The following PRDM15 variants were observed in gnomAD, a reference collection of about 807,000 sequenced individuals.
PRDM15 encodes PR/SET domain 15, also known as PR domain zinc finger protein 15.
A neutral mutation model predicts 128.6 loss-of-function variants in PRDM15; 64 were observed. The observed-to-expected ratio is 0.50, with a 90% confidence interval of 0.41 to 0.61. PRDM15 has a LOEUF of 0.61. Among genes scored for constraint, PRDM15 ranks in the 20% least tolerant of loss-of-function variants. The probability of loss-of-function intolerance (pLI) is 0.00; values close to 1 mark genes in which losing one functional copy is unlikely to be tolerated. For synonymous variants in PRDM15, 615 were observed against 621.8 expected (o/e 0.99, Z 0.16); for missense variants, 1,242 against 1,569.1 (o/e 0.79, Z 3.52).
rs2062562469 is a variant in PRDM15 at position 41,828,740 on chromosome 21, A to ACCAACCAC, written c.1367-415_1367-408dup. Among the ~76,000 whole-genome samples the ACCAACCAC allele has an allele frequency of 7.0e-6, 1 of 142,424 alleles. No homozygotes were observed. The highest frequency in any genetic ancestry group is 7.4e-5 in the Admixed American group (1 of 13,500). The allele number at this position is 142,424 out of a possible 152,430, so 93.4% of individuals were successfully genotyped here. A position where few individuals can be genotyped will look rare whatever the true frequency, so the allele number is the denominator to read the frequency against. Reference sequence around the variant, plus strand: ...GAATGACCTACCTACCAACCAACCAACCAACCACCCGAGCAACTGACCACC... The same window carrying ACCAACCAC: ...GAATGACCTACCTACCAACCAACCAACCAACCACCCAACCACCCGAGCAACTGACCACC... On this transcript the variant is annotated intron_variant, in intron 11 of 23. Transcript: ENST00000398548. The surrounding 1 kb of genome is among the most constrained non-coding windows in gnomAD (Gnocchi z 5.7).
chr21:41,810,811 C>CA lies in PRDM15; in HGVS notation c.2417dup (p.Leu806PhefsTer87). ...TCCTCTCGCTGAATGTCTTCCCACA[C>CA]AATTCACACATGAAATCTTTAATCC... On this transcript the variant is annotated frameshift_variant, in exon 20 of 24. Coordinates refer to ENST00000398548, the MANE Select transcript of PRDM15 (RefSeq NM_001040424.3). LOFTEE classifies it high-confidence loss of function. The surrounding 1 kb of genome is among the most constrained non-coding windows in gnomAD (Gnocchi z 6.4). 6.2e-7 allele frequency: 1 copy of CA among 1,614,156 alleles called. No homozygotes were observed. Among genetic ancestry groups the CA allele is most frequent in the East Asian group, 2.2e-5 (1 of 44,890 alleles).
At chr21:41,860,270 T>C (rs2063770366) in intron 2 of PRDM15, 57 bp downstream of exon 2, 2 of 1,397,962 alleles carry the variant, frequency 1.4e-6, no homozygotes, top group Middle Eastern at 1.8e-4. Flanking sequence ...CACGCCCATC[T>C]GTGTTCTATG....
chr21:41,870,333 T>C (rs1025939198), intron 1 of PRDM15, among the ~76,000 whole-genome samples: 10 of 152,200 alleles, frequency 6.6e-5, no homozygotes, highest in African/African-American at 2.4e-4. Flanking sequence ...TTTCAGCTTC[T>C]TAATTTGGAC....
In PRDM15 at chr21:41,873,479, A is replaced by G. The variant is rs544221717; in HGVS notation, c.-10+5791T>C. Among the ~76,000 whole-genome samples the G allele has an allele frequency of 2.5e-3, 374 of 152,042 alleles. 6 individuals carry two copies. The highest frequency in any genetic ancestry group is 1.7e-3 in the South Asian group (8 of 4,812). On this transcript the variant is annotated intron_variant, in intron 1 of 23. Coordinates refer to ENST00000398548, the MANE Select transcript of PRDM15 (RefSeq NM_001040424.3). ...CATCTGGTATCTTTCCTGCCAGCAA[A>G]TCTCCTCTGTGCAGCTCTCTACCTC...
At chr21:41,878,686 C>A (rs765426175) in intron 1 of PRDM15, 1 of 1,553,094 alleles carries the variant, frequency 6.4e-7, no homozygotes, top group South Asian at 1.1e-5. Context: ...GTCTGGGAGA[C>A]CCCATCACCA....
intron 5 of PRDM15, among the ~76,000 whole-genome samples, chr21:41,852,018 G>A (rs1311149005): frequency 1.3e-5 from 2 of 152,230 alleles, no homozygotes; most frequent in Non-Finnish European, 1.5e-5. Flanking sequence ...GTTTTAGGGA[G>A]GAATGGGAAT....
At chr21:41,865,383 C>T (rs967985804) in intron 1 of PRDM15, among the ~76,000 whole-genome samples, 13 of 152,228 alleles carry the variant, frequency 8.5e-5, no homozygotes, top group Admixed American at 3.9e-4. Context: ...CACACTTCAA[C>T]GGCCAAGAGG....
chr21:41,861,017 C>A (rs1037759435), intron 1 of PRDM15, among the ~76,000 whole-genome samples: 6 of 152,086 alleles, frequency 3.9e-5, no homozygotes, highest in Admixed American at 1.3e-4. Flanking sequence ...GTCGCCCAGG[C>A]TGGAGTGCAG....
In PRDM15 at chr21:41,854,769, T is replaced by C. The variant is rs2063529112; in HGVS notation, c.335A>G (p.Asp112Gly). The change falls in exon 5 of 24, where the codon GAT (aspartate) becomes GGT (glycine). Residue 112 changes from aspartate (D) to glycine (G), a missense_variant. Transcript: ENST00000398548. This position sits in a 1 kb window ranked among gnomAD's most constrained non-coding sequence, Gnocchi z 4.6. ...CACCAGCATCATCCAGTTGCAGTCA[T>C]CCTCGTTGGAGGTGTCGAAGCACAC... ...HPVCFDTSNEDDCNWMMLVRP... is the reference protein window; with the variant it reads ...HPVCFDTSNEGDCNWMMLVRP... The C allele has an allele frequency of 2.5e-6, 4 of 1,611,460 alleles. No homozygotes were observed. The highest frequency in any genetic ancestry group is 2.2e-5 in the East Asian group (1 of 44,796).
Position 41,835,480 on chromosome 21 carries a change from G to A in PRDM15, c.1323C>T (p.Thr441=). 6.2e-7 allele frequency: 1 copy of A among 1,610,654 alleles called. No individual in the cohort carries two copies. The highest frequency in any genetic ancestry group is 1.1e-5 in the South Asian group (1 of 91,066). ...YRYRCGTCEK[T]FRIESALEFH... is the part of the protein sequence containing the mutation. Reference sequence around the variant, plus strand: ...ACTCCAGCGCGCTCTCGATGCGGAAGGTCTTCTCACAAGTGCCGCAGCGGT... The same window carrying A: ...ACTCCAGCGCGCTCTCGATGCGGAAAGTCTTCTCACAAGTGCCGCAGCGGT... Residue 441 remains threonine (T), a synonymous_variant, in exon 11 of 24, where the codon ACC becomes ACT. Transcript: ENST00000398548.
intron 1 of PRDM15, among the ~76,000 whole-genome samples, chr21:41,869,248 C>T (rs1437496535): frequency 6.6e-6 from 1 of 152,126 alleles, no homozygotes; most frequent in African/African-American, 2.4e-5. Flanking sequence ...CCTCTCTTCA[C>T]CAAGCCCAAG....
At position 41,815,623 on chromosome 21, in the gene PRDM15, C is replaced by T. The variant is rs566801827; in HGVS notation, c.2392+82G>A. 1.4e-4 allele frequency: 223 copies of T among 1,547,320 alleles called. 3 individuals carry two copies. In the South Asian group the frequency reaches 1.9e-3, roughly 13 times the overall value. On this transcript the variant is annotated intron_variant, in intron 19 of 23. Coordinates refer to ENST00000398548, the MANE Select transcript of PRDM15 (RefSeq NM_001040424.3). ...ATCACAAAGAGGAATCGTCTCAAGG[C>T]GGCTCTCTCTTCTCCCACGGCCCAC...
chr21:41,860,413 A>G, intron 1 of PRDM15, 41 bp from the exon 2 acceptor site: 1 of 1,575,864 alleles, frequency 6.3e-7, no homozygotes, highest in Non-Finnish European at 8.7e-7. Context: ...ACAAGCTCTT[A>G]CCAAAATACT....
At chr21:41,866,167 G>C (rs193258967) in intron 1 of PRDM15, among the ~76,000 whole-genome samples, 46 of 152,262 alleles carry the variant, frequency 3.0e-4, no homozygotes, top group African/African-American at 1.0e-3. Context: ...TAAATCTTTT[G>C]ACCTGACACC....
At chr21:41,852,192 G>A (rs894694418) in intron 5 of PRDM15, among the ~76,000 whole-genome samples, 1 of 152,250 alleles carries the variant, frequency 6.6e-6, no homozygotes, top group African/African-American at 2.4e-5. Flanking sequence ...GGCAACCTTT[G>A]CTTTGACCTT....
intron 1 of PRDM15, among the ~76,000 whole-genome samples, chr21:41,875,357 C>A (rs547739856): frequency 6.6e-6 from 1 of 152,402 alleles, no homozygotes; most frequent in African/African-American, 2.4e-5. Flanking sequence ...CCACCTGATG[C>A]CTGGAACCAG....
intron 4 of PRDM15, among the ~76,000 whole-genome samples, chr21:41,856,665 C>T (rs568323542): frequency 4.2e-4 from 64 of 152,272 alleles, no homozygotes; most frequent in African/African-American, 1.3e-3. Flanking sequence ...TTAGTTTTCT[C>T]GAGTTCACGT....
chr21:41,833,903 T>C (rs2062779661), intron 11 of PRDM15, among the ~76,000 whole-genome samples: 1 of 152,198 alleles, frequency 6.6e-6, no homozygotes, highest in Admixed American at 6.5e-5. Flanking sequence ...GCATCACTCT[T>C]GGGAACCCCG....
chr21:41,824,845 G>T (rs1418444207), intron 13 of PRDM15, among the ~76,000 whole-genome samples: 1 of 152,258 alleles, frequency 6.6e-6, no homozygotes, highest in Admixed American at 6.5e-5. Context: ...TAAACACTGA[G>T]ATTTCCATTT....
Sources: allele counts gnomAD v4.1 joint callset (sites outside exome capture counted in the v4.1 genomes callset), GRCh38; gene constraint gnomAD v4.1.1; non-coding constraint Gnocchi (gnomAD v3.1); transcripts MANE v1.5; gene names NCBI Gene and HGNC (gene_info 2026-07-23, HGNC 2026-07-21).